The following TTI1 variants were observed in gnomAD, a reference collection of about 807,000 sequenced individuals.
The protein encoded by TTI1 is TELO2 interacting protein 1, also known as TELO2-interacting protein 1 homolog.
A neutral mutation model predicts 85.4 loss-of-function variants in TTI1; 52 were observed. The observed-to-expected ratio is 0.61, with a 90% CI of 0.49 to 0.77. TTI1 has a LOEUF of 0.77. Ranked by LOEUF, TTI1 falls within the 30% of genes least tolerant of loss-of-function variation. The pLI is 0.00. For synonymous variants in TTI1, 512 were observed against 503.9 expected (o/e 1.02, Z -0.22); for missense variants, 1,173 against 1,296.0 (o/e 0.91, Z 1.46).
At chr20:38,021,495 G>C (rs1255545582) in intron 1 of TTI1, among the ~76,000 whole-genome samples, 1 of 152,216 alleles carries the variant, frequency 6.6e-6, no homozygotes, top group Non-Finnish European at 1.5e-5. Context: ...TTCTGGTCCA[G>C]AAAGTTATAC....
In TTI1 at chr20:38,011,589, G is replaced by T; in HGVS notation, c.2228C>A (p.Ala743Asp). ...LVADVVQDVLATLDQFYDKRA... is the reference protein window; with the variant it reads ...LVADVVQDVLDTLDQFYDKRA... Reference sequence around the variant, plus strand: ...CTTATCGTAAAATTGGTCCAGGGTGGCCAAGACATCTTGAACCACATCTGC... The same window carrying T: ...CTTATCGTAAAATTGGTCCAGGGTGTCCAAGACATCTTGAACCACATCTGC... Residue 743 changes from alanine to aspartate, a missense_variant, in exon 2 of 8, where the codon GCC becomes GAC. Ala to Asp is a moderately radical substitution (Grantham distance 126). Coordinates refer to ENST00000373447, the MANE Select transcript of TTI1 (RefSeq NM_001303457.2). 6.2e-7 allele frequency: 1 copy of T among 1,614,184 alleles called. No individual in the cohort carries two copies.
intron 1 of TTI1, among the ~76,000 whole-genome samples, chr20:38,025,829 C>G (rs1424949064): frequency 6.6e-6 from 1 of 151,988 alleles, no homozygotes; most frequent in African/African-American, 2.4e-5. Context: ...ATGGGCTCAA[C>G]AGCAGAATGG....
Position 38,013,283 on chromosome 20 carries a change from T to C in TTI1, c.534A>G (p.Leu178=). 1 of 1,614,080 alleles carries C rather than the reference T, an allele frequency of 6.2e-7. No homozygotes were observed. Among genetic ancestry groups the C allele is most frequent in the Non-Finnish European group, 8.5e-7 (1 of 1,180,032 alleles). The change falls in exon 2 of 8, where the codon TTA becomes TTG. Residue 178 remains leucine, a synonymous_variant. Transcript: ENST00000373447. ...AATCACACTGCAAGAGTAGAACCTG[T>C]AAACATTTTAAGGCAGCAATTTTAA... ...KQIKIAALKC[L]QVLLLQCDCQ... is the part of the protein sequence containing the mutation.
chr20:38,029,465 A>C (rs1377404948), intron 1 of TTI1, among the ~76,000 whole-genome samples: 1 of 152,108 alleles, frequency 6.6e-6, no homozygotes, highest in African/African-American at 2.4e-5. Context: ...GACAAAACTG[A>C]AAACAGAAAA....
At chr20:38,008,978 A>ATT (rs879376039) in intron 2 of TTI1, among the ~76,000 whole-genome samples, 18 of 143,298 alleles carry the variant, frequency 1.3e-4, no homozygotes, top group African/African-American at 4.6e-4. Context: ...CCTCCACCTC[A>ATT]TTTTTTTTTT....
intron 1 of TTI1, among the ~76,000 whole-genome samples, chr20:38,029,121 A>G (rs2073872594): frequency 6.6e-6 from 1 of 152,178 alleles, no homozygotes; most frequent in African/African-American, 2.4e-5. Flanking sequence ...CCCAGCCACA[A>G]TGAAATCAAG....
chr20:37,985,446 A>G lies in TTI1; in HGVS notation c.3087-1807T>C, dbSNP rs117527858. Reference sequence around the variant, plus strand: ...GGGTCTTACCGTGAAGCCAGTCTTGATATCATCCTTAGGTGTAGTGGACAT... The same window carrying G: ...GGGTCTTACCGTGAAGCCAGTCTTGGTATCATCCTTAGGTGTAGTGGACAT... On this transcript the variant is annotated intron_variant, in intron 7 of 7. Coordinates refer to ENST00000373447, the MANE Select transcript of TTI1 (RefSeq NM_001303457.2). Among the ~76,000 whole-genome samples, 220 of 152,092 alleles carry G rather than the reference A, an allele frequency of 1.4e-3. 1 individual carries two copies. The highest frequency in any genetic ancestry group is 2.8e-3 in the Non-Finnish European group (188 of 68,010).
At chr20:37,996,489 A>G (rs1383289859) in intron 6 of TTI1, 27 bp from the exon 7 acceptor site, 1 of 1,610,450 alleles carries the variant, frequency 6.2e-7, no homozygotes, top group Non-Finnish European at 8.5e-7. Context: ...CAAAACAAGC[A>G]TCAGCCCTTA....
intron 7 of TTI1, chr20:37,987,569 A>G (rs1248358386): frequency 5.6e-6 from 2 of 358,162 alleles, no homozygotes; most frequent in African/African-American, 2.1e-5. Flanking sequence ...TCTGGTCCCC[A>G]GAGTATCGGG....
At chr20:38,019,521 T>C (rs1010631819) in intron 1 of TTI1, among the ~76,000 whole-genome samples, 3 of 152,108 alleles carry the variant, frequency 2.0e-5, no homozygotes, top group African/African-American at 7.2e-5. Context: ...TTGAAATCTG[T>C]AGAGTAAGCT....
At chr20:38,018,213 A>G (rs2073711669) in intron 1 of TTI1, among the ~76,000 whole-genome samples, 1 of 152,224 alleles carries the variant, frequency 6.6e-6, no homozygotes, top group Non-Finnish European at 1.5e-5. Context: ...AAGATTAATA[A>G]AGTCAAGAAA....
At chr20:38,026,554 A>G (rs2073838794) in intron 1 of TTI1, among the ~76,000 whole-genome samples, 1 of 152,232 alleles carries the variant, frequency 6.6e-6, no homozygotes, top group East Asian at 1.9e-4. Context: ...ACAAACAGTC[A>G]ACGCAGAACC....
chr20:38,017,285 A>G (rs1456491293), intron 1 of TTI1, among the ~76,000 whole-genome samples: 1 of 152,214 alleles, frequency 6.6e-6, no homozygotes, highest in African/African-American at 2.4e-5. Flanking sequence ...GCCAATGACT[A>G]GAAAAAGCCA....
chr20:38,005,953 G>T, intron 3 of TTI1: 1 of 456,338 alleles, frequency 2.2e-6, no homozygotes, highest in East Asian at 4.5e-5. Context: ...AAAATTCAAC[G>T]GCAATAAGCA....
Position 38,013,142 on chromosome 20 carries a change from A to G in TTI1, c.675T>C (p.Phe225=), listed in dbSNP as rs778520396. 5.0e-6 allele frequency: 8 copies of G among 1,614,182 alleles called. No homozygotes were observed. Among genetic ancestry groups the G allele is most frequent in the South Asian group, 1.1e-5 (1 of 91,082 alleles). Residue 225 remains phenylalanine, a synonymous_variant, in exon 2 of 8, where the codon TTT becomes TTC. Coordinates refer to ENST00000373447, the MANE Select transcript of TTI1 (RefSeq NM_001303457.2). ...ATACGACAATGCTGTGACCTTGTTT[A>G]AAGTCTCCTGTGATAAGCCTGGTCA... ...TALTRLITGD[F]KQGHSIVVSS...
intron 1 of TTI1, among the ~76,000 whole-genome samples, chr20:38,032,371 A>G (rs1451142681): frequency 6.6e-6 from 1 of 152,264 alleles, no homozygotes; most frequent in African/African-American, 2.4e-5. Context: ...GAGCAAAAGC[A>G]GGCATCAACT....
At position 38,012,627 on chromosome 20, in the gene TTI1, T is replaced by G; in HGVS notation, c.1190A>C (p.Lys397Thr). ...AAGTAACAAGGAAAGAGTAGAGAATTTGCCCTGGTCATCTTGGGAGTTCAT... is the reference window on the plus strand; with the variant it reads ...AAGTAACAAGGAAAGAGTAGAGAATGTGCCCTGGTCATCTTGGGAGTTCAT... ...RLMNSQDDQG[K>T]FSTLSLLLGY... The change falls in exon 2 of 8, where the codon AAA (lysine) becomes ACA (threonine). Residue 397 changes from lysine (K) to threonine (T), a missense_variant. Physicochemically the swap from Lys to Thr is moderately conservative, Grantham distance 78. Transcript: ENST00000373447. 1 of 1,614,176 alleles carries G rather than the reference T, an allele frequency of 6.2e-7. No individual in the cohort carries two copies. The highest frequency in any genetic ancestry group is 8.5e-7 in the Non-Finnish European group (1 of 1,180,028).
chr20:37,990,749 T>TTG (rs2073252074), intron 7 of TTI1, among the ~76,000 whole-genome samples: 1 of 152,134 alleles, frequency 6.6e-6, no homozygotes, highest in Admixed American at 6.5e-5. Context: ...AAACCCACTT[T>TTG]GTGCAGGCGG....
chr20:38,015,917 C>CA (rs546711707), intron 1 of TTI1, among the ~76,000 whole-genome samples: 349 of 152,246 alleles, frequency 2.3e-3, no homozygotes, highest in Non-Finnish European at 4.2e-3. Context: ...CCCTTAGCTG[C>CA]AAAAAGATTT....
Sources: gnomAD v4.1 joint callset for allele counts (sites outside exome capture counted in the v4.1 genomes callset) on GRCh38, gnomAD v4.1.1 for gene constraint, MANE v1.5 for transcripts, NCBI Gene and HGNC (gene_info 2026-07-23, HGNC 2026-07-21) for gene names.